TRAPPC10: variants seen among roughly 807,000 people sequenced by gnomAD.
TRAPPC10 encodes trafficking protein particle complex subunit 10.
A neutral mutation model predicts 125.5 loss-of-function variants in TRAPPC10; 23 were observed. The observed-to-expected ratio is 0.18, with a 90% CI of 0.13 to 0.26. The LOEUF (loss-of-function observed/expected upper bound fraction) is 0.26, where lower values mean the gene tolerates loss of function less well. Among genes scored for constraint, TRAPPC10 ranks in the 10% least tolerant of loss-of-function variants. The pLI, the probability that TRAPPC10 is intolerant of heterozygous loss-of-function variation, is 1.00. For synonymous variants in TRAPPC10, 509 were observed against 518.0 expected, an observed-to-expected ratio of 0.98 and a Z score of 0.24; for missense variants, 1,123 against 1,308.4, an observed-to-expected ratio of 0.86 and a Z score of 2.19.
At chr21:44,024,725 A>C (rs1345474061) in intron 1 of TRAPPC10, among the ~76,000 whole-genome samples, 2 of 152,208 alleles carry the variant, frequency 1.3e-5, no homozygotes, top group Non-Finnish European at 1.5e-5. Flanking sequence ...AAACCTTGAA[A>C]AAATCTAATT....
At chr21:44,016,148 T>C (rs1173562755) in intron 1 of TRAPPC10, among the ~76,000 whole-genome samples, 1 of 152,230 alleles carries the variant, frequency 6.6e-6, no homozygotes, top group African/African-American at 2.4e-5. Flanking sequence ...ACTTGTAGTA[T>C]ATTTTATTAA....
chr21:44,074,544 G>A, intron 8 of TRAPPC10, 74 bp downstream of exon 8: 2 of 1,588,804 alleles, frequency 1.3e-6, no homozygotes, highest in Non-Finnish European at 1.7e-6. Flanking sequence ...GAAGTCTGCT[G>A]TTTGGAGGAG....
At chr21:44,043,448 G>A (rs183614404) in intron 3 of TRAPPC10, among the ~76,000 whole-genome samples, 246 of 152,070 alleles carry the variant, frequency 1.6e-3, no homozygotes, top group African/African-American at 5.5e-3. Flanking sequence ...TCCTGACCTC[G>A]TGATCCACCC....
rs2038227474 is a variant in TRAPPC10 at position 44,087,545 on chromosome 21, T to A, written c.2540-154T>A. ...CCGGCTTTCACACAGGGCTGCTCTGTCCTAGGGGCCTTGTTCTTGGGTTTG... is the reference window on the plus strand; with the variant it reads ...CCGGCTTTCACACAGGGCTGCTCTGACCTAGGGGCCTTGTTCTTGGGTTTG... On this transcript the variant is annotated intron_variant, in intron 16 of 22. Coordinates refer to ENST00000291574, the MANE Select transcript of TRAPPC10 (RefSeq NM_003274.5). This position sits in a 1 kb window ranked among gnomAD's most constrained non-coding sequence, Gnocchi z 4.6. Among the ~76,000 whole-genome samples the A allele has an allele frequency of 6.6e-6, 1 of 152,070 alleles. No homozygotes were observed. The highest frequency in any genetic ancestry group is 1.5e-5 in the Non-Finnish European group (1 of 68,004).
intron 4 of TRAPPC10, among the ~76,000 whole-genome samples, chr21:44,055,152 T>C (rs2035486658): frequency 6.6e-6 from 1 of 152,094 alleles, no homozygotes; most frequent in East Asian, 1.9e-4. Flanking sequence ...CTCATGTAAA[T>C]CCCTTTCCCC....
intron 15 of TRAPPC10, among the ~76,000 whole-genome samples, chr21:44,086,477 C>T (rs566221504): frequency 1.3e-5 from 2 of 152,346 alleles, no homozygotes; most frequent in African/African-American, 4.8e-5. Flanking sequence ...TTCTCTTCTA[C>T]TACTAATGGG....
At chr21:44,027,574 G>A (rs573022561) in intron 1 of TRAPPC10, among the ~76,000 whole-genome samples, 4 of 152,290 alleles carry the variant, frequency 2.6e-5, no homozygotes, top group East Asian at 1.9e-4. Flanking sequence ...CAGCCTTGGC[G>A]CTCATTTGCT....
intron 1 of TRAPPC10, among the ~76,000 whole-genome samples, chr21:44,024,017 C>T (rs1196989929): frequency 6.6e-6 from 1 of 152,170 alleles, no homozygotes; most frequent in Non-Finnish European, 1.5e-5. Flanking sequence ...AATTCCCGAC[C>T]TCAGGTGATC....
At chr21:44,083,400 C>A in intron 14 of TRAPPC10, 98 bp downstream of exon 14, 1 of 1,320,566 alleles carries the variant, frequency 7.6e-7, no homozygotes, top group Non-Finnish European at 1.0e-6. Context: ...TGAGTAGAGT[C>A]CTTTGTTCTC....
chr21:44,055,835 C>G lies in TRAPPC10; in HGVS notation c.620C>G (p.Thr207Ser), dbSNP rs886882567. 6.2e-7 allele frequency: 1 copy of G among 1,613,338 alleles called. No homozygotes were observed. The highest frequency in any genetic ancestry group is 8.5e-7 in the Non-Finnish European group (1 of 1,179,392). The change falls in exon 5 of 23, where the codon ACC (threonine) becomes AGC (serine). Residue 207 changes from threonine (T) to serine (S), a missense_variant. Physicochemically the swap from Thr to Ser is moderately conservative, Grantham distance 58. Transcript: ENST00000291574. Reference protein sequence around the residue: ...NLGKFEDDMRTLREKRTEPGW... With the variant: ...NLGKFEDDMRSLREKRTEPGW... ...GGCAAGTTTGAGGATGACATGAGAA[C>G]CTTGAGGGAGAAGAGGACTGAGCCA...
At chr21:44,078,187 T>A (rs2037420512) in intron 11 of TRAPPC10, among the ~76,000 whole-genome samples, 1 of 152,178 alleles carries the variant, frequency 6.6e-6, no homozygotes, top group Non-Finnish European at 1.5e-5. Context: ...AGCTACTGCA[T>A]GTGTCAGGTT....
intron 3 of TRAPPC10, chr21:44,046,985 G>C (rs2034868426): frequency 1.2e-6 from 1 of 811,650 alleles, no homozygotes; most frequent in Non-Finnish European, 2.1e-6. Flanking sequence ...TCTGCGAGCG[G>C]GAAACCGCCT....
chr21:44,028,315 G>A (rs1443721069), intron 1 of TRAPPC10, among the ~76,000 whole-genome samples: 2 of 152,186 alleles, frequency 1.3e-5, no homozygotes, highest in African/African-American at 4.8e-5. Flanking sequence ...GCTCTGCCCC[G>A]CTTTCCCGGG....
chr21:44,063,168 G>T lies in TRAPPC10; in HGVS notation c.791-370G>T. The T allele has an allele frequency of 4.6e-6, 6 of 1,298,882 alleles. No homozygotes were observed. The highest frequency in any genetic ancestry group is 6.1e-6 in the Non-Finnish European group (6 of 991,286). The allele number at this position is 1,298,882 out of a possible 1,614,324, so 80.5% of individuals were successfully genotyped here. On this transcript the variant is annotated intron_variant, in intron 6 of 22. Coordinates refer to ENST00000291574, the MANE Select transcript of TRAPPC10 (RefSeq NM_003274.5). This position sits in a 1 kb window ranked among gnomAD's most constrained non-coding sequence, Gnocchi z 4.4. ...AGAGCAGGCTGCACTCCAGCCCACA[G>T]GTAAAGATAAGGAAGCCCAGCCCCG...
chr21:44,022,048 T>TTCC (rs1555924377), intron 1 of TRAPPC10, among the ~76,000 whole-genome samples: 1 of 146,796 alleles, frequency 6.8e-6, no homozygotes, highest in Non-Finnish European at 1.5e-5. Context: ...AATTTCTTTC[T>TTCC]TTTTTTTTTT....
At chr21:44,054,089 A>G (rs1371500785) in intron 4 of TRAPPC10, among the ~76,000 whole-genome samples, 1 of 152,210 alleles carries the variant, frequency 6.6e-6, no homozygotes, top group African/African-American at 2.4e-5. Flanking sequence ...TCGGGAATAA[A>G]TGTTGGTAAT....
chr21:44,038,052 T>C, intron 3 of TRAPPC10, 125 bp downstream of exon 3: 1 of 1,341,752 alleles, frequency 7.5e-7, no homozygotes, highest in South Asian at 1.4e-5. Flanking sequence ...GCGTGGAGAG[T>C]GCTGTGTGAG....
intron 1 of TRAPPC10, among the ~76,000 whole-genome samples, chr21:44,014,678 G>A (rs180753130): frequency 6.5e-4 from 98 of 150,800 alleles, no homozygotes; most frequent in Middle Eastern, 3.4e-3. Flanking sequence ...GTCCACCTGC[G>A]CAGCCTCCCG....
chr21:44,021,963 A>C (rs2032548281), intron 1 of TRAPPC10, among the ~76,000 whole-genome samples: 1 of 151,708 alleles, frequency 6.6e-6, no homozygotes. Flanking sequence ...TTTCTTTCTT[A>C]GGGTCTTTTC....
Sources: gnomAD v4.1 joint callset for allele counts (sites outside exome capture counted in the v4.1 genomes callset) on GRCh38, gnomAD v4.1.1 for gene constraint, Gnocchi (gnomAD v3.1) non-coding constraint, MANE v1.5 for transcripts, NCBI Gene and HGNC (gene_info 2026-07-23, HGNC 2026-07-21) for gene names.